ACTN4: variants seen among roughly 807,000 people sequenced by gnomAD.
The protein encoded by ACTN4 is alpha-actinin-4.
ACTN4 carries 18 observed loss-of-function variants against 114.2 expected under a neutral mutation model. The observed-to-expected ratio is 0.16, with a 90% CI of 0.11 to 0.23. ACTN4 has a LOEUF of 0.23. ACTN4 is among the 10% of genes least tolerant of loss of function. The pLI is 1.00. For missense variants in ACTN4, 722 were observed against 1,262.9 expected (o/e 0.57, Z 6.49); for synonymous variants, 515 against 506.3 (o/e 1.02, Z -0.23).
intron 3 of ACTN4, among the ~76,000 whole-genome samples, chr19:38,701,686 C>G (rs532692332): frequency 6.6e-6 from 1 of 152,346 alleles, no homozygotes; most frequent in East Asian, 1.9e-4. Flanking sequence ...ACCAGGACCA[C>G]AGTCCACTAC....
intron 1 of ACTN4, among the ~76,000 whole-genome samples, chr19:38,683,580 G>A (rs1301198586): frequency 1.3e-5 from 2 of 152,250 alleles, no homozygotes; most frequent in Non-Finnish European, 2.9e-5. Flanking sequence ...CACAATGGCA[G>A]TTGGGCTGCA....
At chr19:38,684,540 C>T (rs995117651) in intron 1 of ACTN4, among the ~76,000 whole-genome samples, 6 of 152,230 alleles carry the variant, frequency 3.9e-5, no homozygotes, top group African/African-American at 1.4e-4. Flanking sequence ...ACGTCATACC[C>T]ACACCGCTCC....
intron 8 of ACTN4, among the ~76,000 whole-genome samples, chr19:38,712,550 C>T (rs1156634585): frequency 6.6e-6 from 1 of 152,088 alleles, no homozygotes; most frequent in Non-Finnish European, 1.5e-5. Flanking sequence ...TCTTCCCAGC[C>T]TCGGGCCAGA....
At chr19:38,711,738 C>T (rs1194571946) in intron 8 of ACTN4, among the ~76,000 whole-genome samples, 2 of 152,262 alleles carry the variant, frequency 1.3e-5, no homozygotes, top group African/African-American at 4.8e-5. Context: ...GCCTGCCTGC[C>T]CCTGCCAAGC....
intron 8 of ACTN4, among the ~76,000 whole-genome samples, chr19:38,713,047 C>T (rs1445069791): frequency 6.6e-6 from 1 of 152,136 alleles, no homozygotes; most frequent in Non-Finnish European, 1.5e-5. Flanking sequence ...AGGACAGCCC[C>T]GTGGTGCTGC....
chr19:38,722,025 G>A (rs572507134), intron 12 of ACTN4: 1 of 434,022 alleles, frequency 2.3e-6, no homozygotes, highest in East Asian at 4.9e-5. Flanking sequence ...TGATGGGATG[G>A]GCCCCAGCCT....
chr19:38,672,092 C>T (rs1376792699), intron 1 of ACTN4, among the ~76,000 whole-genome samples: 3 of 152,120 alleles, frequency 2.0e-5, no homozygotes, highest in African/African-American at 7.2e-5. Context: ...TGCTATACTA[C>T]AGCGATTAGG....
At chr19:38,705,784 C>A (rs762035989) in intron 4 of ACTN4, among the ~76,000 whole-genome samples, 14 of 152,128 alleles carry the variant, frequency 9.2e-5, no homozygotes, top group Admixed American at 1.3e-4. Flanking sequence ...CTGGGGCAGC[C>A]CTGGTCAAGC....
intron 1 of ACTN4, among the ~76,000 whole-genome samples, chr19:38,670,800 G>A (rs1263438284): frequency 2.0e-5 from 3 of 151,932 alleles, no homozygotes; most frequent in Non-Finnish European, 4.4e-5. Flanking sequence ...GCTTGTGCTT[G>A]TAATCCCAGC....
At chr19:38,719,652 G>A (rs936807475) in intron 11 of ACTN4, among the ~76,000 whole-genome samples, 9 of 152,246 alleles carry the variant, frequency 5.9e-5, no homozygotes, top group Non-Finnish European at 1.2e-4. Context: ...ATCCATTCCC[G>A]GATTCACTCA....
intron 1 of ACTN4, among the ~76,000 whole-genome samples, chr19:38,676,273 C>T (rs1967371704): frequency 1.3e-5 from 2 of 152,170 alleles, no homozygotes; most frequent in African/African-American, 4.8e-5. Flanking sequence ...AAGCCAACTG[C>T]TAGATAAGTA....
At chr19:38,728,448 T>TCCTCCTCCG in intron 19 of ACTN4, 1 of 730,354 alleles carries the variant, frequency 1.4e-6, no homozygotes, top group Non-Finnish European at 1.7e-6. Flanking sequence ...CTCCTCCTCC[T>TCCTCCTCCG]CCCCCCCACC....
At chr19:38,657,123 A>G (rs893830475) in intron 1 of ACTN4, among the ~76,000 whole-genome samples, 3 of 150,652 alleles carry the variant, frequency 2.0e-5, no homozygotes, top group Admixed American at 2.0e-4. Flanking sequence ...TTATGTGTGC[A>G]CCACCATGGC....
At chr19:38,687,140 A>G (rs1305791154) in intron 1 of ACTN4, among the ~76,000 whole-genome samples, 4 of 151,810 alleles carry the variant, frequency 2.6e-5, no homozygotes, top group Admixed American at 2.0e-4. Flanking sequence ...ATTTTTCTGT[A>G]TTATTAGTAG....
rs1357339716 is a variant in ACTN4, at chr19:38,729,456, C to T, written c.*24C>T. 6.2e-7 allele frequency: 1 copy of T among 1,612,118 alleles called. No homozygotes were observed. The highest frequency in any genetic ancestry group is 1.1e-5 in the South Asian group (1 of 91,020). The stretch of plus-strand genomic sequence containing the variant: ...GAGGCCCCAGAGACCTGACCCAACA[C>T]CCCCGACGGCCTCCAGGAGGGGCCT... On this transcript the variant is annotated 3_prime_UTR_variant, in exon 21 of 21. Coordinates refer to ENST00000252699, the MANE Select transcript of ACTN4 (RefSeq NM_004924.6).
rs1283989217 is a variant in ACTN4 at position 38,727,457 on chromosome 19, G to A, written c.2337+354G>A. On this transcript the variant is annotated intron_variant, in intron 18 of 20. Coordinates refer to ENST00000252699, the MANE Select transcript of ACTN4 (RefSeq NM_004924.6). This position sits in a 1 kb window ranked among gnomAD's most constrained non-coding sequence, Gnocchi z 5.4. The stretch of plus-strand genomic sequence containing the variant: ...ACAGTGCTTTTAGAATTCAGATTTG[G>A]TCCGGCAGCCTCATCAGAGGGGCCC... Among the ~76,000 whole-genome samples, 1 of 152,120 alleles carries A rather than the reference G, an allele frequency of 6.6e-6. No homozygotes were observed. Among genetic ancestry groups the A allele is most frequent in the East Asian group, 1.9e-4 (1 of 5,198 alleles).
rs1283590285 is a variant in ACTN4 at position 38,704,916 on chromosome 19, C to T, written c.398-18C>T. 5 of 1,609,708 alleles carry T rather than the reference C, an allele frequency of 3.1e-6. No individual in the cohort carries two copies. The South Asian group carries it at 4.4e-5, about 14-fold the overall frequency. ...GTTTTAACGACCTTCTGCCCTCTGC[C>T]CCCTTCCCTGTGTGCAGAGATTGTG... is the stretch of plus-strand genomic sequence containing the variant. On this transcript the variant is annotated intron_variant, in intron 3 of 20. Transcript: ENST00000252699.
At chr19:38,696,507 ATTTT>A (rs1968097676) in intron 1 of ACTN4, among the ~76,000 whole-genome samples, 1 of 152,144 alleles carries the variant, frequency 6.6e-6, no homozygotes, top group South Asian at 2.1e-4. Context: ...GCAGAGTGTT[ATTTT>A]TGTAACCAAG....
At chr19:38,696,783 A>C (rs1968108862) in intron 1 of ACTN4, among the ~76,000 whole-genome samples, 2 of 152,152 alleles carry the variant, frequency 1.3e-5, no homozygotes, top group Admixed American at 1.3e-4. Context: ...AGCCTGTGTC[A>C]GGTCCGGATC....
Sources: gnomAD v4.1 joint callset for allele counts (sites outside exome capture counted in the v4.1 genomes callset) on GRCh38, gnomAD v4.1.1 for gene constraint, Gnocchi (gnomAD v3.1) non-coding constraint, MANE v1.5 for transcripts, NCBI Gene and HGNC (gene_info 2026-07-23, HGNC 2026-07-21) for gene names.